The following ULK4 variants were observed in gnomAD, a reference collection of about 807,000 sequenced individuals.
The protein encoded by ULK4 is inactive serine/threonine-protein kinase ULK4.
ULK4 carries 133 observed loss-of-function variants against 160.6 expected under a neutral mutation model. The observed-to-expected ratio is 0.83, with a 90% CI of 0.72 to 0.96. The LOEUF (loss-of-function observed/expected upper bound fraction) is 0.96, where lower values mean the gene tolerates loss of function less well. Among genes scored for constraint, ULK4 ranks in the 40% least tolerant of loss-of-function variants. The pLI, the probability that ULK4 is intolerant of heterozygous loss-of-function variation, is 0.00. For synonymous variants in ULK4, 534 were observed against 539.8 expected (o/e 0.99, Z 0.15); for missense variants, 1,580 against 1,499.5 (o/e 1.05, Z -0.89).
intron 2 of ULK4, among the ~76,000 whole-genome samples, chr3:41,946,824 T>A (rs772050520): frequency 2.5e-4 from 38 of 152,160 alleles, no homozygotes; most frequent in Non-Finnish European, 5.1e-4. Flanking sequence ...TTGTTCTGGA[T>A]CCTGATAAGC....
intron 34 of ULK4, among the ~76,000 whole-genome samples, chr3:41,432,421 C>CT (rs1194949499): frequency 6.6e-6 from 1 of 152,110 alleles, no homozygotes; most frequent in East Asian, 1.9e-4. Context: ...CCCGAAAATG[C>CT]TTTTTCTGGA....
intron 31 of ULK4, among the ~76,000 whole-genome samples, chr3:41,574,426 C>T (rs1257538976): frequency 1.3e-5 from 2 of 151,972 alleles, no homozygotes; most frequent in African/African-American, 2.4e-5. Context: ...GCTCTCCATT[C>T]CCACTTACCT....
chr3:41,500,181 A>G (rs12635408), intron 32 of ULK4, among the ~76,000 whole-genome samples: 38,092 of 149,084 alleles, frequency 0.26, 5,007 homozygotes, highest in African/African-American at 0.31. Flanking sequence ...TGCTTCATTA[A>G]TTTCTGCTTT....
intron 31 of ULK4, among the ~76,000 whole-genome samples, chr3:41,599,845 G>A (rs924378932): frequency 7.2e-5 from 11 of 151,990 alleles, no homozygotes; most frequent in African/African-American, 2.7e-4. Context: ...GATTACAGGC[G>A]TGAGCCACCG....
At chr3:41,331,801 C>T (rs58829924) in intron 35 of ULK4, among the ~76,000 whole-genome samples, 12,032 of 152,120 alleles carry the variant, frequency 0.079, 1,219 homozygotes, top group African/African-American at 0.23. Context: ...TTCAATTAGT[C>T]TCTGTTTGAC....
intron 17 of ULK4, among the ~76,000 whole-genome samples, chr3:41,863,249 C>G (rs529064649): frequency 3.0e-4 from 46 of 152,340 alleles, no homozygotes; most frequent in African/African-American, 1.1e-3. Context: ...ATGAGGAGTA[C>G]TGCCAGACTA....
intron 31 of ULK4, among the ~76,000 whole-genome samples, chr3:41,614,676 T>A (rs997884426): frequency 6.6e-6 from 1 of 152,158 alleles, no homozygotes; most frequent in African/African-American, 2.4e-5. Flanking sequence ...CTACTCCCCA[T>A]GCAATGCAAA....
intron 32 of ULK4, among the ~76,000 whole-genome samples, chr3:41,480,210 A>C (rs2084277466): frequency 1.6e-5 from 1 of 61,032 alleles, no homozygotes; most frequent in Non-Finnish European, 3.5e-5. Context: ...CCGTATCAAA[A>C]AAAAAAAAAA....
At chr3:41,299,461 G>GGA (rs1198489699) in intron 35 of ULK4, among the ~76,000 whole-genome samples, 2 of 152,184 alleles carry the variant, frequency 1.3e-5, no homozygotes, top group Non-Finnish European at 2.9e-5. Flanking sequence ...CCCAGGGCTA[G>GGA]GATTCAACCA....
chr3:41,297,822 G>A (rs574417519), intron 35 of ULK4, among the ~76,000 whole-genome samples: 1 of 152,352 alleles, frequency 6.6e-6, no homozygotes, highest in Admixed American at 6.5e-5. Context: ...AACACTGTCA[G>A]AAGTTTTTGG....
At chr3:41,575,403 A>G (rs2088153991) in intron 31 of ULK4, among the ~76,000 whole-genome samples, 1 of 152,116 alleles carries the variant, frequency 6.6e-6, no homozygotes, top group African/African-American at 2.4e-5. Flanking sequence ...GCAGGCTCTG[A>G]CAGGGGCTGA....
At chr3:41,869,480 T>G (rs557307956) in intron 17 of ULK4, among the ~76,000 whole-genome samples, 1 of 151,992 alleles carries the variant, frequency 6.6e-6, no homozygotes, top group South Asian at 2.1e-4. Context: ...ACTCGGGAGG[T>G]TGAGGCATGA....
chr3:41,948,241 A>G (rs556654491), intron 2 of ULK4, among the ~76,000 whole-genome samples: 1 of 152,132 alleles, frequency 6.6e-6, no homozygotes, highest in Non-Finnish European at 1.5e-5. Context: ...ACTTGAGGTC[A>G]GGAGTTTGAG....
intron 21 of ULK4, among the ~76,000 whole-genome samples, chr3:41,780,380 TA>T (rs200065953): frequency 3.3e-5 from 5 of 149,990 alleles, no homozygotes; most frequent in Admixed American, 6.6e-5. Flanking sequence ...AAATTTATAT[TA>T]AAAATATAAA....
chr3:41,834,590 A>G (rs2041698782), intron 18 of ULK4, among the ~76,000 whole-genome samples: 1 of 152,260 alleles, frequency 6.6e-6, no homozygotes, highest in Admixed American at 6.5e-5. Flanking sequence ...ACCAGCTATC[A>G]GTACTAATTA....
intron 34 of ULK4, among the ~76,000 whole-genome samples, chr3:41,413,898 T>A (rs1406781646): frequency 6.6e-6 from 1 of 152,224 alleles, no homozygotes; most frequent in Non-Finnish European, 1.5e-5. Flanking sequence ...AAAAAATCAT[T>A]TTTAGTATAA....
intron 32 of ULK4, among the ~76,000 whole-genome samples, chr3:41,463,766 C>A (rs1158814365): frequency 6.6e-6 from 1 of 152,156 alleles, no homozygotes; most frequent in East Asian, 1.9e-4. Context: ...CTGCAAACCT[C>A]ATATTAACAG....
At chr3:41,661,506 TAGA>T (rs1559468870) in intron 30 of ULK4, among the ~76,000 whole-genome samples, 1 of 115,168 alleles carries the variant, frequency 8.7e-6, no homozygotes, top group African/African-American at 7.1e-5. Flanking sequence ...GATAGATAGA[TAGA>T]TGATAGATAG....
chr3:41,836,022 T>C (rs773700767), intron 17 of ULK4, 51 bp from the exon 18 acceptor site: 14 of 1,244,968 alleles, frequency 1.1e-5, no homozygotes, highest in East Asian at 4.8e-5. Flanking sequence ...TATCTCTCAG[T>C]TCTTAAACCT....
Sources: allele counts gnomAD v4.1 joint callset (sites outside exome capture counted in the v4.1 genomes callset), GRCh38; gene constraint gnomAD v4.1.1; transcripts MANE v1.5; gene names NCBI Gene and HGNC (gene_info 2026-07-23, HGNC 2026-07-21).